Variants in TMC1 observed in about 807,000 individuals in gnomAD.
TMC1 encodes the protein transmembrane channel like 1.
A neutral mutation model predicts 105.8 loss-of-function variants in TMC1; 84 were observed. The ratio of observed to expected loss-of-function variants is 0.79; its 90% CI spans 0.67 to 0.95. The LOEUF (loss-of-function observed/expected upper bound fraction) is 0.95, where lower values mean the gene tolerates loss of function less well. Among genes scored for constraint, TMC1 ranks in the 40% least tolerant of loss-of-function variants. The pLI, the probability that TMC1 is intolerant of heterozygous loss-of-function variation, is 0.00. For synonymous variants in TMC1, 315 were observed against 311.5 expected, an observed-to-expected ratio of 1.01 and a Z score of -0.12; for missense variants, 817 against 914.1, an observed-to-expected ratio of 0.89 and a Z score of 1.37.
At chr9:72,789,765 A>G (rs1339772678) in intron 15 of TMC1, among the ~76,000 whole-genome samples, 1 of 152,196 alleles carries the variant, frequency 6.6e-6, no homozygotes, top group East Asian at 1.9e-4. Flanking sequence ...TGAAGCAGCC[A>G]TGATAAAGCC....
chr9:72,608,678 G>A (rs1332877805), intron 2 of TMC1, among the ~76,000 whole-genome samples: 2 of 148,114 alleles, frequency 1.4e-5, no homozygotes, highest in Non-Finnish European at 3.0e-5. Context: ...CTGCAGTCCA[G>A]TCTGGGTGAC....
At chr9:72,579,420 A>G (rs1301570846) in intron 2 of TMC1, among the ~76,000 whole-genome samples, 2 of 152,134 alleles carry the variant, frequency 1.3e-5, no homozygotes, top group Non-Finnish European at 2.9e-5. Context: ...CCAGGCTCCA[A>G]GCAAGCCTTG....
At chr9:72,540,627 C>T (rs553353950) in intron 1 of TMC1, among the ~76,000 whole-genome samples, 32 of 152,222 alleles carry the variant, frequency 2.1e-4, no homozygotes, top group South Asian at 1.9e-3. Flanking sequence ...GTCTCTGCGT[C>T]GCGTGTTGGT....
rs150548436 is a variant in TMC1, at chr9:72,584,871, G to A, written c.-306+6848G>A. On this transcript the variant is annotated intron_variant, in intron 2 of 23. Transcript: ENST00000297784. ...ACAATCTTGGCTCACTGCATCCTCC[G>A]CCGCCTGGGTTCAAGTGATTCTCCT... Among the ~76,000 whole-genome samples, 463 of 134,138 alleles carry A rather than the reference G, an allele frequency of 3.5e-3. 4 individuals carry two copies. The highest frequency in any genetic ancestry group is 0.013 in the African/African-American group (444 of 35,154). 88.0% of individuals were successfully genotyped at this position (134,138 alleles called of 152,430 possible).
At chr9:72,555,262 C>T (rs1823911472) in intron 1 of TMC1, among the ~76,000 whole-genome samples, 1 of 147,162 alleles carries the variant, frequency 6.8e-6, no homozygotes, top group African/African-American at 2.5e-5. Context: ...ATTGCACGTT[C>T]TCCGCTCACA....
At chr9:72,677,157 CACACACAGGA>C (rs1826216082) in intron 5 of TMC1, among the ~76,000 whole-genome samples, 1 of 151,738 alleles carries the variant, frequency 6.6e-6, no homozygotes, top group African/African-American at 2.4e-5. Flanking sequence ...CACACACACA[CACACACAGGA>C]ACTGGTTCAT....
intron 1 of TMC1, among the ~76,000 whole-genome samples, chr9:72,572,266 G>A (rs920122364): frequency 6.6e-6 from 1 of 151,436 alleles, no homozygotes; most frequent in African/African-American, 2.4e-5. Flanking sequence ...GCGTGATCTC[G>A]GCTCACTGCA....
intron 13 of TMC1, among the ~76,000 whole-genome samples, chr9:72,782,972 C>G (rs894744692): frequency 6.6e-6 from 1 of 151,950 alleles, no homozygotes; most frequent in Non-Finnish European, 1.5e-5. Flanking sequence ...CCCTGAATAT[C>G]CAAAGCTATC....
chr9:72,810,277 T>C (rs7851537), intron 18 of TMC1, among the ~76,000 whole-genome samples: 14,649 of 152,090 alleles, frequency 0.096, 756 homozygotes, highest in Non-Finnish European at 0.13. Context: ...AAGGACAACC[T>C]GAGATAGGCA....
intron 5 of TMC1, among the ~76,000 whole-genome samples, chr9:72,671,301 G>A (rs1826124147): frequency 6.6e-6 from 1 of 152,170 alleles, no homozygotes; most frequent in African/African-American, 2.4e-5. Flanking sequence ...TCTGGGTATA[G>A]GGAGGGCACC....
chr9:72,678,360 A>G lies in TMC1; in HGVS notation c.17-10349A>G, dbSNP rs1323720892. On this transcript the variant is annotated intron_variant, in intron 5 of 23. Coordinates refer to ENST00000297784, the MANE Select transcript of TMC1 (RefSeq NM_138691.3). ...GCTTTCCCATTTCCACATTGAAGAC[A>G]ACATTCTATTTTAGAGCAAAAATGA... Among the ~76,000 whole-genome samples the G allele has an allele frequency of 2.0e-5, 3 of 152,110 alleles. No individual in the cohort carries two copies. In the East Asian group the frequency reaches 5.8e-4, roughly 29 times the overall value.
intron 18 of TMC1, among the ~76,000 whole-genome samples, chr9:72,806,856 C>A (rs1210205454): frequency 6.6e-6 from 1 of 152,158 alleles, no homozygotes; most frequent in Non-Finnish European, 1.5e-5. Context: ...ACTTCCCAGA[C>A]GGGGTGGCAG....
chr9:72,606,948 T>G (rs900004471), intron 2 of TMC1, among the ~76,000 whole-genome samples: 1 of 57,474 alleles, frequency 1.7e-5, no homozygotes, highest in Non-Finnish European at 3.0e-5. Context: ...GGTTTATATA[T>G]ATGTATGTAT....
intron 5 of TMC1, among the ~76,000 whole-genome samples, chr9:72,670,777 G>A (rs541629846): frequency 5.1e-4 from 78 of 152,224 alleles, no homozygotes; most frequent in African/African-American, 1.6e-3. Context: ...GATGGGATTC[G>A]CAGCAGATTA....
intron 2 of TMC1, among the ~76,000 whole-genome samples, chr9:72,593,689 GCCCCAAGAC>G (rs1361043193): frequency 1.3e-5 from 2 of 150,330 alleles, no homozygotes; most frequent in African/African-American, 4.9e-5. Context: ...CCCGTGCCCA[GCCCCAAGAC>G]CCCCATTTCT....
At chr9:72,679,588 G>A (rs1742615478) in intron 5 of TMC1, among the ~76,000 whole-genome samples, 1 of 152,046 alleles carries the variant, frequency 6.6e-6, no homozygotes, top group Non-Finnish European at 1.5e-5. Context: ...ACTACTGGCA[G>A]ATTTGGTGTC....
chr9:72,732,746 TA>T (rs1487213851), intron 8 of TMC1, among the ~76,000 whole-genome samples: 1 of 151,904 alleles, frequency 6.6e-6, no homozygotes, highest in Non-Finnish European at 1.5e-5. Flanking sequence ...TCAAAAAGAG[TA>T]GAGCTGTGCT....
At chr9:72,720,586 A>AC (rs1403668620) in intron 8 of TMC1, among the ~76,000 whole-genome samples, 2 of 152,206 alleles carry the variant, frequency 1.3e-5, no homozygotes, top group African/African-American at 4.8e-5. Flanking sequence ...GCTCCATTGG[A>AC]ATGAATGACA....
chr9:72,788,574 C>A, intron 14 of TMC1, 91 bp downstream of exon 14: 1 of 1,315,406 alleles, frequency 7.6e-7, no homozygotes, highest in Non-Finnish European at 1.1e-6. Flanking sequence ...AGTATCTTGA[C>A]AATTTACATG....
Sources: gnomAD v4.1 joint callset for allele counts (sites outside exome capture counted in the v4.1 genomes callset) on GRCh38, gnomAD v4.1.1 for gene constraint, MANE v1.5 for transcripts, NCBI Gene and HGNC (gene_info 2026-07-23, HGNC 2026-07-21) for gene names.